The following RPS6KA2 variants were observed in gnomAD, a reference collection of about 807,000 sequenced individuals.
RPS6KA2 encodes ribosomal protein S6 kinase A2, also known as ribosomal protein S6 kinase alpha-2.
Under a neutral mutation model 91.8 loss-of-function variants are expected in RPS6KA2, and 42 were observed. That is an observed-to-expected ratio of 0.46 (90% CI 0.36 to 0.59). The LOEUF (loss-of-function observed/expected upper bound fraction) is 0.59. Ranked by LOEUF, RPS6KA2 falls within the 20% of genes least tolerant of loss-of-function variation. The pLI is 0.00. For missense variants in RPS6KA2, 798 were observed against 978.5 expected, an observed-to-expected ratio of 0.82 and a Z score of 2.46; for synonymous variants, 414 against 393.6, an observed-to-expected ratio of 1.05 and a Z score of -0.61.
intron 16 of RPS6KA2, among the ~76,000 whole-genome samples, chr6:166,424,617 C>A (rs931232045): frequency 6.6e-6 from 1 of 152,166 alleles, no homozygotes; most frequent in Non-Finnish European, 1.5e-5. Flanking sequence ...TCATGTGTGA[C>A]CTTGGCCAAG....
chr6:166,743,038 T>C (rs1790859579), intron 2 of RPS6KA2, among the ~76,000 whole-genome samples: 1 of 152,218 alleles, frequency 6.6e-6, no homozygotes, highest in African/African-American at 2.4e-5. Context: ...AAAGACACTC[T>C]GGTAACAAAA....
chr6:166,761,876 C>T (rs1473297224), intron 2 of RPS6KA2, among the ~76,000 whole-genome samples: 6 of 152,146 alleles, frequency 3.9e-5, no homozygotes, highest in South Asian at 2.1e-4. Context: ...GCGTTGAAGG[C>T]GCAAGTTATC....
At chr6:166,478,355 A>G (rs777776919) in intron 10 of RPS6KA2, among the ~76,000 whole-genome samples, 1 of 152,198 alleles carries the variant, frequency 6.6e-6, no homozygotes, top group Non-Finnish European at 1.5e-5. Context: ...AGTTTCAGCC[A>G]CCGGCAAGGT....
At chr6:166,817,104 G>A (rs1374404371) in intron 2 of RPS6KA2, among the ~76,000 whole-genome samples, 2 of 152,116 alleles carry the variant, frequency 1.3e-5, no homozygotes, top group African/African-American at 2.4e-5. Context: ...ATGGTGAAAA[G>A]GAATAGAGAA....
At chr6:166,781,608 C>T (rs7768138) in intron 2 of RPS6KA2, among the ~76,000 whole-genome samples, 32,722 of 152,070 alleles carry the variant, frequency 0.22, 4,328 homozygotes, top group African/African-American at 0.37. Context: ...GCTCATGTCC[C>T]GTATGCACTC....
At chr6:166,650,295 A>G (rs940209593) in intron 2 of RPS6KA2, among the ~76,000 whole-genome samples, 1 of 152,054 alleles carries the variant, frequency 6.6e-6, no homozygotes, top group South Asian at 2.1e-4. Flanking sequence ...CCACATTCTT[A>G]TTCATAGACA....
intron 2 of RPS6KA2, among the ~76,000 whole-genome samples, chr6:166,778,855 C>T (rs1778693149): frequency 6.6e-6 from 1 of 152,232 alleles, no homozygotes; most frequent in African/African-American, 2.4e-5. Context: ...CTACAAACAG[C>T]ACCGTAAGCG....
chr6:166,430,356 C>A, intron 16 of RPS6KA2, 97 bp downstream of exon 16: 1 of 1,082,618 alleles, frequency 9.2e-7, no homozygotes, highest in Non-Finnish European at 1.3e-6. Flanking sequence ...CCAGGACAAT[C>A]CGCGTTCTCA....
chr6:166,477,085 G>A (rs1002111984), intron 10 of RPS6KA2, among the ~76,000 whole-genome samples: 17 of 152,298 alleles, frequency 1.1e-4, no homozygotes, highest in South Asian at 8.3e-4. Flanking sequence ...TCTGCCCAGC[G>A]GGGTTTTCAG....
chr6:166,652,696 G>A (rs1162946228), intron 2 of RPS6KA2, among the ~76,000 whole-genome samples: 2 of 152,156 alleles, frequency 1.3e-5, no homozygotes, highest in African/African-American at 4.8e-5. Context: ...CCAGCTAGGC[G>A]AGAGTTGAGT....
chr6:166,538,514 G>C (rs1162992222), intron 2 of RPS6KA2, among the ~76,000 whole-genome samples, 154 bp downstream of exon 2: 1 of 152,200 alleles, frequency 6.6e-6, no homozygotes, highest in Non-Finnish European at 1.5e-5. Flanking sequence ...AATTCTGGCT[G>C]TGCAAAGTGA....
intron 14 of RPS6KA2, chr6:166,439,803 G>A (rs1779461864): frequency 6.6e-6 from 1 of 152,282 alleles, no homozygotes; most frequent in East Asian, 1.9e-4. Flanking sequence ...CATTCATCAA[G>A]TCCTGGCCAT....
intron 2 of RPS6KA2, among the ~76,000 whole-genome samples, chr6:166,783,432 C>T (rs1325903404): frequency 6.6e-6 from 1 of 152,060 alleles, no homozygotes; most frequent in Non-Finnish European, 1.5e-5. Context: ...GCTGGTCTGC[C>T]CTGTGAACTT....
intron 2 of RPS6KA2, among the ~76,000 whole-genome samples, chr6:166,822,189 T>G (rs1385341495): frequency 6.6e-6 from 1 of 152,238 alleles, no homozygotes; most frequent in African/African-American, 2.4e-5. Flanking sequence ...TGGTAAGGGC[T>G]TTACGGGCTG....
chr6:166,596,303 C>T (rs1785531299), intron 1 of RPS6KA2, among the ~76,000 whole-genome samples: 1 of 152,262 alleles, frequency 6.6e-6, no homozygotes, highest in South Asian at 2.1e-4. Flanking sequence ...AAGTATTGTT[C>T]CTGGGTGTGT....
intron 3 of RPS6KA2, among the ~76,000 whole-genome samples, chr6:166,517,727 G>A (rs896166267): frequency 2.0e-5 from 3 of 150,718 alleles, no homozygotes; most frequent in African/African-American, 7.3e-5. Flanking sequence ...CACCCGCCTC[G>A]GCCTCCCAAA....
At chr6:166,756,251 C>G (rs1354993231) in intron 2 of RPS6KA2, among the ~76,000 whole-genome samples, 1 of 152,056 alleles carries the variant, frequency 6.6e-6, no homozygotes, top group Non-Finnish European at 1.5e-5. Flanking sequence ...GATCGCACCA[C>G]TGCACTCCAG....
At chr6:166,616,711 G>A (rs568610836) in intron 1 of RPS6KA2, among the ~76,000 whole-genome samples, 1 of 152,330 alleles carries the variant, frequency 6.6e-6, no homozygotes, top group Admixed American at 6.5e-5. Context: ...GCATGTGGGT[G>A]TCAGGCCAGC....
chr6:166,497,741 T>C lies in RPS6KA2; in HGVS notation c.747+767A>G, dbSNP rs1201956118. On this transcript the variant is annotated intron_variant, in intron 8 of 20. Transcript: ENST00000265678. ...AGGCGGTCAAAACTCTGAAGGGAAC[T>C]GGGTTTGGCAGGCACACAGTTCTGC... is the stretch of plus-strand genomic sequence containing the variant. Among the ~76,000 whole-genome samples the C allele has an allele frequency of 2.6e-5, 4 of 152,350 alleles. No individual in the cohort carries two copies. In the East Asian group the frequency reaches 7.7e-4, roughly 29 times the overall value.
Sources: allele counts gnomAD v4.1 joint callset (sites outside exome capture counted in the v4.1 genomes callset), GRCh38; gene constraint gnomAD v4.1.1; transcripts MANE v1.5; gene names NCBI Gene and HGNC (gene_info 2026-07-23, HGNC 2026-07-21).